The following SHISA6 variants were observed in gnomAD, a reference collection of about 807,000 sequenced individuals.
The protein encoded by SHISA6 is protein shisa-6.
SHISA6 carries 22 observed loss-of-function variants against 47.9 expected under a neutral mutation model. That is an observed-to-expected ratio of 0.46 (90% CI 0.33 to 0.66). SHISA6 has a LOEUF of 0.66. Among genes scored for constraint, SHISA6 ranks in the 30% least tolerant of loss-of-function variants. The pLI is 0.02. For missense variants in SHISA6, 680 were observed against 764.6 expected (o/e 0.89, Z 1.30); for synonymous variants, 388 against 337.8 (o/e 1.15, Z -1.63).
At chr17:11,262,548 C>A (rs1481338578) in intron 1 of SHISA6, among the ~76,000 whole-genome samples, 1 of 152,208 alleles carries the variant, frequency 6.6e-6, no homozygotes, top group African/African-American at 2.4e-5. Context: ...CCCTAGATGG[C>A]AGGAATTGGG....
intron 3 of SHISA6, among the ~76,000 whole-genome samples, chr17:11,412,627 C>T (rs1056842251): frequency 6.6e-6 from 1 of 151,890 alleles, no homozygotes; most frequent in Non-Finnish European, 1.5e-5. Flanking sequence ...CTGCAAGCTC[C>T]ACCTCCCAGG....
chr17:11,283,227 A>G (rs1340171523), intron 2 of SHISA6, among the ~76,000 whole-genome samples: 2 of 152,252 alleles, frequency 1.3e-5, no homozygotes, highest in Admixed American at 6.5e-5. Context: ...GAAAGCAACT[A>G]TATATGTACA....
At chr17:11,508,558 C>T (rs1256967704) in intron 3 of SHISA6, among the ~76,000 whole-genome samples, 11 of 127,476 alleles carry the variant, frequency 8.6e-5, no homozygotes, top group African/African-American at 3.0e-4. Context: ...CCTCTCCCCT[C>T]CCCTCCCCTC....
At chr17:11,383,637 G>T (rs205052) in intron 3 of SHISA6, among the ~76,000 whole-genome samples, 85,015 of 151,828 alleles carry the variant, frequency 0.56, 24,219 homozygotes, top group East Asian at 0.78. Context: ...TCTGACACCC[G>T]TTTTCAGGAC....
At chr17:11,415,218 C>T (rs1274979982) in intron 3 of SHISA6, among the ~76,000 whole-genome samples, 1 of 152,116 alleles carries the variant, frequency 6.6e-6, no homozygotes, top group Non-Finnish European at 1.5e-5. Flanking sequence ...TAATTTCATC[C>T]TCAAACAGTC....
At chr17:11,510,143 T>G (rs1274902149) in intron 3 of SHISA6, among the ~76,000 whole-genome samples, 1 of 151,790 alleles carries the variant, frequency 6.6e-6, no homozygotes, top group Non-Finnish European at 1.5e-5. Context: ...GAGAGTCCTT[T>G]CCCTCAGCTA....
At chr17:11,285,267 G>A (rs1362930028) in intron 2 of SHISA6, among the ~76,000 whole-genome samples, 5 of 152,214 alleles carry the variant, frequency 3.3e-5, no homozygotes, top group Admixed American at 1.3e-4. Flanking sequence ...CCCATTTGGT[G>A]TGTCAGACAG....
chr17:11,551,641 C>T (rs555449886), intron 3 of SHISA6, among the ~76,000 whole-genome samples: 3 of 152,290 alleles, frequency 2.0e-5, no homozygotes, highest in South Asian at 2.1e-4. Context: ...CCTACGAAGC[C>T]TCTATAACTA....
At chr17:11,555,995 C>A in intron 5 of SHISA6, 103 bp downstream of exon 5, 1 of 1,330,238 alleles carries the variant, frequency 7.5e-7, no homozygotes, top group Non-Finnish European at 9.8e-7. Context: ...GCTGTCAAAT[C>A]CCAAGAATAA....
At chr17:11,254,850 C>T (rs1907950100) in intron 1 of SHISA6, among the ~76,000 whole-genome samples, 1 of 152,234 alleles carries the variant, frequency 6.6e-6, no homozygotes, top group Non-Finnish European at 1.5e-5. Context: ...AGAGTCTGTC[C>T]TCATGGGACG....
At chr17:11,309,429 G>C (rs140422847) in intron 2 of SHISA6, among the ~76,000 whole-genome samples, 310 of 152,340 alleles carry the variant, frequency 2.0e-3, no homozygotes, top group African/African-American at 7.3e-3. Flanking sequence ...TTCTGTAGGA[G>C]ATCCATCTTA....
At chr17:11,484,445 G>T (rs1916295487) in intron 3 of SHISA6, among the ~76,000 whole-genome samples, 1 of 152,194 alleles carries the variant, frequency 6.6e-6, no homozygotes, top group Admixed American at 6.5e-5. Context: ...CTGTCACCCA[G>T]GCTGGAGTGC....
chr17:11,376,612 C>T (rs1912811009), intron 2 of SHISA6, among the ~76,000 whole-genome samples: 1 of 151,724 alleles, frequency 6.6e-6, no homozygotes, highest in Admixed American at 6.6e-5. Flanking sequence ...ACGTGAGCCA[C>T]TGCGCCCGGC....
At chr17:11,453,834 G>A (rs1389959781) in intron 3 of SHISA6, among the ~76,000 whole-genome samples, 1 of 152,176 alleles carries the variant, frequency 6.6e-6, no homozygotes, top group Non-Finnish European at 1.5e-5. Context: ...CCATTAATAT[G>A]ACATTCTGGA....
At chr17:11,507,819 C>G (rs2071512166) in intron 3 of SHISA6, among the ~76,000 whole-genome samples, 1 of 152,204 alleles carries the variant, frequency 6.6e-6, no homozygotes, top group Non-Finnish European at 1.5e-5. Flanking sequence ...ATCTTTAGCA[C>G]TCCCTCCGAT....
intron 3 of SHISA6, among the ~76,000 whole-genome samples, chr17:11,430,519 GA>G (rs1318323964): frequency 2.0e-5 from 3 of 152,138 alleles, no homozygotes; most frequent in Non-Finnish European, 4.4e-5. Context: ...GGGGGGTTTG[GA>G]GGTGTTTGTT....
At chr17:11,484,283 C>A (rs1916290245) in intron 3 of SHISA6, among the ~76,000 whole-genome samples, 1 of 152,056 alleles carries the variant, frequency 6.6e-6, no homozygotes, top group South Asian at 2.1e-4. Flanking sequence ...TAAATAAATA[C>A]AAATAAAATA....
rs149305621 is a variant in SHISA6 at position 11,348,903 on chromosome 17, C to T, written c.800-30511C>T. Reference sequence around the variant, plus strand: ...GTTGAGCAAACATAGAAACAAGTATCAGAACAGAAATCATGAAACTTGGCC... The same window carrying T: ...GTTGAGCAAACATAGAAACAAGTATTAGAACAGAAATCATGAAACTTGGCC... On this transcript the variant is annotated intron_variant, in intron 2 of 5. Coordinates refer to ENST00000441885, the MANE Select transcript of SHISA6 (RefSeq NM_207386.4). 8.2e-3 allele frequency among the ~76,000 whole-genome samples: 1,252 copies of T among 152,306 alleles called. 12 individuals carry two copies. The highest frequency in any genetic ancestry group is 0.024 in the African/African-American group (983 of 41,568).
chr17:11,249,054 C>T (rs999781170), intron 1 of SHISA6, among the ~76,000 whole-genome samples: 2 of 149,354 alleles, frequency 1.3e-5, no homozygotes, highest in African/African-American at 2.5e-5. Context: ...AGGAGAATGG[C>T]GTGAACCTGG....
Sources: allele counts gnomAD v4.1 joint callset (sites outside exome capture counted in the v4.1 genomes callset), GRCh38; gene constraint gnomAD v4.1.1; transcripts MANE v1.5; gene names NCBI Gene and HGNC (gene_info 2026-07-23, HGNC 2026-07-21).